The following CREBBP variants were observed in gnomAD, a reference collection of about 807,000 sequenced individuals.
CREBBP encodes CREB-binding protein.
Under a neutral mutation model 265.0 loss-of-function variants are expected in CREBBP, and 19 were observed. The observed-to-expected ratio is 0.07, with a 90% CI of 0.05 to 0.11. CREBBP has a LOEUF of 0.11. Among genes scored for constraint, CREBBP ranks in the 10% least tolerant of loss-of-function variants. CREBBP has a pLI of 1.00. For synonymous variants in CREBBP, 1,457 were observed against 1,223.7 expected (o/e 1.19, Z -3.98); for missense variants, 2,525 against 3,219.0 (o/e 0.78, Z 5.22).
At chr16:3,765,826 T>C (rs897654321) in intron 16 of CREBBP, among the ~76,000 whole-genome samples, 1 of 152,072 alleles carries the variant, frequency 6.6e-6, no homozygotes, top group South Asian at 2.1e-4. Flanking sequence ...TTTTTTTTAA[T>C]AGAGATTAGG....
intron 5 of CREBBP, among the ~76,000 whole-genome samples, chr16:3,787,517 C>T (rs1009053210): frequency 2.0e-5 from 3 of 152,096 alleles, no homozygotes; most frequent in East Asian, 1.9e-4. Context: ...CTCTGAAGGG[C>T]CCTCAAGTGA....
In CREBBP at chr16:3,849,448, T is replaced by G. The variant is rs1567360661; in HGVS notation, c.798+849A>C. 9.9e-4 allele frequency among the ~76,000 whole-genome samples: 50 copies of G among 50,348 alleles called. 1 individual carries two copies. The highest frequency in any genetic ancestry group is 1.8e-3 in the Non-Finnish European group (34 of 19,156). 33.0% of individuals were successfully genotyped at this position (50,348 alleles called of 152,430 possible). Reference sequence around the variant, plus strand: ...GTGTGTGTGTGTGTGTGTGTGTGTGTGTGTGTGTGTGTGTGTGTGTGTGTG... The same window carrying G: ...GTGTGTGTGTGTGTGTGTGTGTGTGGGTGTGTGTGTGTGTGTGTGTGTGTG... On this transcript the variant is annotated intron_variant, in intron 2 of 30. Transcript: ENST00000262367.
chr16:3,855,558 C>T (rs578033168), intron 1 of CREBBP, among the ~76,000 whole-genome samples: 2 of 152,340 alleles, frequency 1.3e-5, no homozygotes, highest in Admixed American at 6.5e-5. Flanking sequence ...AGCCATTGCA[C>T]CCGGCCATAA....
chr16:3,738,417 G>C (rs1460911798), intron 26 of CREBBP, 142 bp downstream of exon 26: 1 of 659,640 alleles, frequency 1.5e-6, no homozygotes, highest in Non-Finnish European at 2.7e-6. Context: ...CCTGGAAAGA[G>C]GAGCTTTGGA....
intron 19 of CREBBP, among the ~76,000 whole-genome samples, chr16:3,752,924 A>G (rs1403412624): frequency 6.6e-6 from 1 of 152,252 alleles, no homozygotes; most frequent in African/African-American, 2.4e-5. Context: ...ATAAATGAGA[A>G]ATCAACAGAA....
At chr16:3,805,478 T>C (rs976009881) in intron 3 of CREBBP, among the ~76,000 whole-genome samples, 2 of 152,182 alleles carry the variant, frequency 1.3e-5, no homozygotes, top group African/African-American at 2.4e-5. Context: ...AAGGAGCTTG[T>C]GTATAATGTT....
chr16:3,737,395 T>A (rs143197647), intron 26 of CREBBP, among the ~76,000 whole-genome samples: 1 of 151,826 alleles, frequency 6.6e-6, no homozygotes, highest in African/African-American at 2.4e-5. Context: ...AGATTAGTGG[T>A]CGCCTGGGGC....
intron 16 of CREBBP, among the ~76,000 whole-genome samples, chr16:3,760,337 C>T (rs1364318157): frequency 1.3e-5 from 2 of 151,154 alleles, no homozygotes; most frequent in Non-Finnish European, 2.9e-5. Flanking sequence ...AGCGCTCCCC[C>T]TGCCTCAGCC....
chr16:3,807,607 A>C (rs548351752), intron 3 of CREBBP, among the ~76,000 whole-genome samples: 1 of 152,310 alleles, frequency 6.6e-6, no homozygotes, highest in East Asian at 1.9e-4. Context: ...GGCTGCAAAA[A>C]CATGACCTCA....
intron 19 of CREBBP, among the ~76,000 whole-genome samples, chr16:3,755,823 C>CT (rs1455398253): frequency 6.6e-6 from 1 of 152,180 alleles, no homozygotes; most frequent in Non-Finnish European, 1.5e-5. Flanking sequence ...ACACGCTGCA[C>CT]TTCTAGCAGG....
chr16:3,756,488 C>A lies in CREBBP; in HGVS notation c.3698+800G>T, dbSNP rs1254768873. Among the ~76,000 whole-genome samples, 9 of 152,362 alleles carry A rather than the reference C, an allele frequency of 5.9e-5. No individual in the cohort carries two copies. In the South Asian group the frequency reaches 1.9e-3, roughly 32 times the overall value. Reference sequence around the variant, plus strand: ...CCTATTTTAAGACAGGAGATCTATTCTTTAGCCATCTTCATATTCCAAAAG... The same window carrying A: ...CCTATTTTAAGACAGGAGATCTATTATTTAGCCATCTTCATATTCCAAAAG... On this transcript the variant is annotated intron_variant, in intron 19 of 30. Transcript: ENST00000262367.
At chr16:3,839,859 G>C (rs2054533115) in intron 2 of CREBBP, among the ~76,000 whole-genome samples, 1 of 151,696 alleles carries the variant, frequency 6.6e-6, no homozygotes, top group Admixed American at 6.6e-5. Context: ...GGAAGAGTGA[G>C]AGAAAGAAAG....
rs546131117 is a variant in CREBBP, at chr16:3,782,660, G to A, written c.1573+24C>T. On this transcript the variant is annotated intron_variant, in intron 6 of 30. Transcript: ENST00000262367. Reference sequence around the variant, plus strand: ...TTGCTGCATGTGGACAAGTAAGAACGAAGTTGAGAGTTCCTTCACCTACCC... The same window carrying A: ...TTGCTGCATGTGGACAAGTAAGAACAAAGTTGAGAGTTCCTTCACCTACCC... The A allele has an allele frequency of 8.1e-6, 13 of 1,613,388 alleles. No homozygotes were observed. In the South Asian group the frequency reaches 1.1e-4, roughly 14 times the overall value.
At chr16:3,842,404 G>T (rs991766828) in intron 2 of CREBBP, among the ~76,000 whole-genome samples, 1 of 152,026 alleles carries the variant, frequency 6.6e-6, no homozygotes, top group Non-Finnish European at 1.5e-5. Context: ...ACCTAAATTG[G>T]TCTTTTTTGC....
intron 21 of CREBBP, among the ~76,000 whole-genome samples, chr16:3,746,764 G>T (rs60916180): frequency 0.026 from 3,983 of 152,134 alleles, 102 homozygotes; most frequent in African/African-American, 0.067. Flanking sequence ...GGGTAAAATA[G>T]GGAGACCCCA....
At chr16:3,804,230 T>C (rs2053783242) in intron 3 of CREBBP, among the ~76,000 whole-genome samples, 1 of 152,144 alleles carries the variant, frequency 6.6e-6, no homozygotes, top group Non-Finnish European at 1.5e-5. Context: ...TCAAGAGAAT[T>C]ACCAATTTAC....
At chr16:3,803,260 C>CGGGGGGGGGGGG (rs1192484779) in intron 3 of CREBBP, among the ~76,000 whole-genome samples, 2 of 8,454 alleles carry the variant, frequency 2.4e-4, no homozygotes, top group Admixed American at 1.3e-3. Context: ...AGGCTGACGG[C>CGGGGGGGGGGGG]GGGGAGGGGG....
At position 3,731,559 on chromosome 16, in the gene CREBBP, G is replaced by A. The variant is rs2151318101; in HGVS notation, c.4891-86C>T. 6.7e-7 allele frequency: 1 copy of A among 1,499,494 alleles called. No individual in the cohort carries two copies. The highest frequency in any genetic ancestry group is 9.0e-7 in the Non-Finnish European group (1 of 1,105,468). 92.9% of individuals were successfully genotyped at this position (1,499,494 alleles called of 1,614,324 possible). ...CAGGGCAGGCGCAGCCACCCAGCCTGCAGAATAGGCAGGTGGCTGAGCCTG... is the reference window on the plus strand; with the variant it reads ...CAGGGCAGGCGCAGCCACCCAGCCTACAGAATAGGCAGGTGGCTGAGCCTG... On this transcript the variant is annotated intron_variant, in intron 29 of 30. Coordinates refer to ENST00000262367, the MANE Select transcript of CREBBP (RefSeq NM_004380.3). The surrounding 1 kb of genome is among the most constrained non-coding windows in gnomAD (Gnocchi z 7.7).
chr16:3,731,398 G>C lies in CREBBP; in HGVS notation c.4966C>G (p.Leu1656Val), dbSNP rs2151317162. 6.2e-7 allele frequency: 1 copy of C among 1,610,424 alleles called. No homozygotes were observed. Among genetic ancestry groups the C allele is most frequent in the East Asian group, 2.2e-5 (1 of 44,734 alleles). Residue 1656 changes from leucine (L) to valine (V), a missense_variant, in exon 30 of 31, where the codon CTC becomes GTC. Coordinates refer to ENST00000262367, the MANE Select transcript of CREBBP (RefSeq NM_004380.3). This position sits in a 1 kb window ranked among gnomAD's most constrained non-coding sequence, Gnocchi z 7.7. ...CGCCCATCCATGAGGTCACAGCTGAGCAGGGGGTCGGGGTCGACGATGGGG... is the reference window on the plus strand; with the variant it reads ...CGCCCATCCATGAGGTCACAGCTGACCAGGGGGTCGGGGTCGACGATGGGG... ...LPPIVDPDPL[L>V]SCDLMDGRDA...
Sources: gnomAD v4.1 joint callset for allele counts (sites outside exome capture counted in the v4.1 genomes callset) on GRCh38, gnomAD v4.1.1 for gene constraint, Gnocchi (gnomAD v3.1) non-coding constraint, MANE v1.5 for transcripts, NCBI Gene and HGNC (gene_info 2026-07-23, HGNC 2026-07-21) for gene names.